The following FANCC variants were observed in gnomAD, a reference collection of about 807,000 sequenced individuals.
FANCC encodes the protein FA complementation group C.
Under a neutral mutation model 71.3 loss-of-function variants are expected in FANCC, and 55 were observed. That is an observed-to-expected ratio of 0.77 (90% CI 0.62 to 0.97). The LOEUF (loss-of-function observed/expected upper bound fraction) is 0.97, where lower values mean the gene tolerates loss of function less well. FANCC is among the 50% of genes least tolerant of loss of function. The pLI is 0.00. For synonymous variants in FANCC, 275 were observed against 244.9 expected (o/e 1.12, Z -1.15); for missense variants, 678 against 670.9 (o/e 1.01, Z -0.12).
At chr9:95,296,942 CTT>C (rs1834413970) in intron 1 of FANCC, among the ~76,000 whole-genome samples, 1 of 152,204 alleles carries the variant, frequency 6.6e-6, no homozygotes, top group Non-Finnish European at 1.5e-5. Context: ...TGAAGAAACT[CTT>C]AAAATCTCTT....
At chr9:95,155,283 A>AGG (rs1830399817) in intron 6 of FANCC, among the ~76,000 whole-genome samples, 2 of 54,390 alleles carry the variant, frequency 3.7e-5, no homozygotes, top group Non-Finnish European at 7.2e-5. Flanking sequence ...AGGGGAGGGG[A>AGG]AGGAAGGGGA....
chr9:95,223,502 T>A (rs980745536), intron 4 of FANCC, among the ~76,000 whole-genome samples: 3 of 152,192 alleles, frequency 2.0e-5, no homozygotes. Flanking sequence ...TGCAATTCCC[T>A]GTTTCCAAGT....
intron 14 of FANCC, among the ~76,000 whole-genome samples, chr9:95,102,251 G>A (rs946707958): frequency 4.6e-5 from 7 of 152,208 alleles, no homozygotes; most frequent in African/African-American, 1.4e-4. Context: ...AGGCTCACAC[G>A]AACATGAGAA....
At chr9:95,109,814 A>G (rs1406587539) in intron 13 of FANCC, 1 of 152,228 alleles carries the variant, frequency 6.6e-6, no homozygotes, top group Non-Finnish European at 1.5e-5. Context: ...TCACATACGA[A>G]TCATGCTTTC....
intron 1 of FANCC, among the ~76,000 whole-genome samples, chr9:95,281,835 T>G (rs1833400540): frequency 6.6e-6 from 1 of 152,014 alleles, no homozygotes; most frequent in South Asian, 2.1e-4. Flanking sequence ...TTGCTATCAG[T>G]GTAAAATAAC....
At chr9:95,161,995 CCA>C (rs948701677) in intron 6 of FANCC, among the ~76,000 whole-genome samples, 37 of 152,304 alleles carry the variant, frequency 2.4e-4, no homozygotes, top group African/African-American at 8.9e-4. Context: ...GCACCCGCCA[CCA>C]CACCCATCTA....
intron 4 of FANCC, among the ~76,000 whole-genome samples, chr9:95,217,352 G>T (rs925718211): frequency 6.6e-6 from 1 of 151,964 alleles, no homozygotes; most frequent in African/African-American, 2.4e-5. Context: ...GGGTGTGGTG[G>T]TGGGCGCCTG....
chr9:95,131,766 G>A (rs750433851), intron 8 of FANCC, among the ~76,000 whole-genome samples: 1 of 152,150 alleles, frequency 6.6e-6, no homozygotes, highest in Non-Finnish European at 1.5e-5. Context: ...ACAGCAAACT[G>A]ACAATATCAC....
chr9:95,159,038 T>C (rs771905392), intron 6 of FANCC, among the ~76,000 whole-genome samples: 1 of 152,198 alleles, frequency 6.6e-6, no homozygotes, highest in Non-Finnish European at 1.5e-5. Flanking sequence ...TTGACCTTTT[T>C]TTTTTTAATT....
intron 10 of FANCC, among the ~76,000 whole-genome samples, chr9:95,118,406 G>A (rs2072602872): frequency 6.6e-6 from 1 of 152,232 alleles, no homozygotes; most frequent in African/African-American, 2.4e-5. Context: ...TGCCCCCAAG[G>A]GGCACAGAAG....
chr9:95,306,942 T>C (rs1291944194), intron 1 of FANCC, among the ~76,000 whole-genome samples: 3 of 152,154 alleles, frequency 2.0e-5, no homozygotes, highest in Non-Finnish European at 4.4e-5. Flanking sequence ...GGTATGATCA[T>C]AGCTCACTGC....
chr9:95,154,717 G>T (rs2135471764), intron 6 of FANCC, among the ~76,000 whole-genome samples: 1 of 152,270 alleles, frequency 6.6e-6, no homozygotes, highest in Non-Finnish European at 1.5e-5. Flanking sequence ...CTCCAGCGGG[G>T]AGAATAAAGA....
intron 1 of FANCC, chr9:95,294,601 G>A: frequency 6.4e-7 from 1 of 1,556,930 alleles, no homozygotes. Context: ...ACCTGCTCTA[G>A]AAAGCAAAGT....
At chr9:95,124,324 T>C (rs961578567) in intron 10 of FANCC, among the ~76,000 whole-genome samples, 1 of 152,110 alleles carries the variant, frequency 6.6e-6, no homozygotes, top group Admixed American at 6.6e-5. Context: ...TAAACATTAC[T>C]TCTGTGGCCG....
At chr9:95,309,001 C>T (rs1390413837) in intron 1 of FANCC, among the ~76,000 whole-genome samples, 2 of 152,016 alleles carry the variant, frequency 1.3e-5, no homozygotes, top group Non-Finnish European at 2.9e-5. Flanking sequence ...GAGTGAGATG[C>T]ATCTCGAAAA....
At position 95,107,100 on chromosome 9, in the gene FANCC, C is replaced by T. The variant is rs1178346692; in HGVS notation, c.1499G>A (p.Gly500Glu). The change falls in exon 14 of 15, where the codon GGA becomes GAA. Residue 500 changes from glycine (G) to glutamate (E), a missense_variant. Coordinates refer to ENST00000289081, the MANE Select transcript of FANCC (RefSeq NM_000136.3). ...LLLNFLLWAP[G>E]GHTIAWDVIT... ...GACATCCCAGGCGATCGTGTGGCCT[C>T]CAGGAGCCCAGAGCAGGAAGTTGAG... is the stretch of plus-strand genomic sequence containing the variant. The T allele has an allele frequency of 6.2e-7, 1 of 1,614,194 alleles. No homozygotes were observed. Among genetic ancestry groups the T allele is most frequent in the South Asian group, 1.1e-5 (1 of 91,082 alleles).
intron 4 of FANCC, among the ~76,000 whole-genome samples, chr9:95,189,879 A>G (rs538607912): frequency 7.2e-5 from 11 of 152,318 alleles, no homozygotes; most frequent in African/African-American, 2.4e-4. Context: ...CTGCTGGAGA[A>G]TATCAGACAA....
chr9:95,137,134 T>G (rs1827816996), intron 7 of FANCC, among the ~76,000 whole-genome samples: 1 of 152,188 alleles, frequency 6.6e-6, no homozygotes, highest in Non-Finnish European at 1.5e-5. Context: ...AACAACCCCT[T>G]CAAGGCCTGT....
chr9:95,205,911 T>A (rs912855937), intron 4 of FANCC, among the ~76,000 whole-genome samples: 3 of 152,086 alleles, frequency 2.0e-5, no homozygotes, highest in African/African-American at 2.4e-5. Flanking sequence ...AGTTAAATTT[T>A]AAAAAAATAG....
Sources: allele counts gnomAD v4.1 joint callset (sites outside exome capture counted in the v4.1 genomes callset), GRCh38; gene constraint gnomAD v4.1.1; transcripts MANE v1.5; gene names NCBI Gene and HGNC (gene_info 2026-07-23, HGNC 2026-07-21).